The following DENND2C variants were observed in gnomAD, a reference collection of about 807,000 sequenced individuals.
DENND2C encodes the protein DENN domain containing 2C, also known as DENN domain-containing protein 2C.
A neutral mutation model predicts 112.4 loss-of-function variants in DENND2C; 72 were observed. That is an observed-to-expected ratio of 0.64 (90% CI 0.53 to 0.78). The LOEUF (loss-of-function observed/expected upper bound fraction) is 0.78. Among genes scored for constraint, DENND2C ranks in the 30% least tolerant of loss-of-function variants. DENND2C has a pLI of 0.00. For synonymous variants in DENND2C, 329 were observed against 381.6 expected (o/e 0.86, Z 1.61); for missense variants, 992 against 1,113.8 (o/e 0.89, Z 1.56).
chr1:114,664,177 T>C (rs1657582876), intron 1 of DENND2C, among the ~76,000 whole-genome samples: 1 of 152,170 alleles, frequency 6.6e-6, no homozygotes. Context: ...TGGGCTCAAG[T>C]GATCTTCCCA....
intron 2 of DENND2C, among the ~76,000 whole-genome samples, chr1:114,647,545 T>A (rs1004448216): frequency 2.6e-5 from 4 of 152,080 alleles, no homozygotes; most frequent in Admixed American, 2.6e-4. Flanking sequence ...TTTATACCAT[T>A]AGGTAATGTT....
chr1:114,609,211 G>A (rs1245998934), intron 9 of DENND2C, among the ~76,000 whole-genome samples: 4 of 152,138 alleles, frequency 2.6e-5, no homozygotes, highest in African/African-American at 4.8e-5. Flanking sequence ...AAAATGTCAC[G>A]AAAAAGCGCT....
Position 114,625,809 on chromosome 1 carries a change from T to C in DENND2C, c.176A>G (p.Lys59Arg). ...RYNCHQEIRL[K>R]KNPIAERKSK... ...CTTTCTCTCAGCTATAGGATTTTTC[T>C]TAAGACGGATCTCTTGGTGACAGTT... The change falls in exon 4 of 21, where the codon AAG becomes AGG. Residue 59 changes from lysine to arginine, a missense_variant. Physicochemically the swap from Lys to Arg is conservative, Grantham distance 26 (BLOSUM62 2). Transcript: ENST00000393274. The C allele has an allele frequency of 1.2e-6, 2 of 1,614,184 alleles. No individual in the cohort carries two copies. Among genetic ancestry groups the C allele is most frequent in the South Asian group, 2.2e-5 (2 of 91,086 alleles).
In DENND2C at chr1:114,587,945, T is replaced by G; in HGVS notation, c.2439A>C (p.Thr813=). 6.2e-7 allele frequency: 1 copy of G among 1,613,668 alleles called. No homozygotes were observed. Among genetic ancestry groups the G allele is most frequent in the Non-Finnish European group, 8.5e-7 (1 of 1,179,830 alleles). ...TQEQNFSQDV[T]LNSLVSEAFV... is the part of the protein sequence containing the mutation. ...ATGCTTCGGACACCAGAGAGTTGAG[T>G]GTCACATCTGCTGCAACATGAAAAA... is the stretch of plus-strand genomic sequence containing the variant. The change falls in exon 19 of 21, where the codon ACA becomes ACC. Residue 813 remains threonine, a synonymous_variant. Transcript: ENST00000393274.
At chr1:114,594,359 C>A in intron 18 of DENND2C, 114 bp downstream of exon 18, 1 of 833,762 alleles carries the variant, frequency 1.2e-6, no homozygotes, top group South Asian at 1.7e-5. Flanking sequence ...GGATTTTCAG[C>A]GCACAGGCAA....
intron 7 of DENND2C, among the ~76,000 whole-genome samples, chr1:114,620,170 T>C (rs1017601525): frequency 6.6e-6 from 1 of 152,192 alleles, no homozygotes; most frequent in Non-Finnish European, 1.5e-5. Context: ...GAATGTTTTC[T>C]AGAAGATACT....
chr1:114,621,583 T>C (rs1656166886), intron 7 of DENND2C, among the ~76,000 whole-genome samples: 1 of 152,248 alleles, frequency 6.6e-6, no homozygotes, highest in African/African-American at 2.4e-5. Context: ...GAAGCCATCC[T>C]GAGAGAACGC....
At chr1:114,600,389 T>C in intron 14 of DENND2C, 37 bp from the exon 15 acceptor site, 2 of 1,612,354 alleles carry the variant, frequency 1.2e-6, no homozygotes, top group Non-Finnish European at 1.7e-6. Flanking sequence ...GAGCTAATGT[T>C]GGAAAACAAT....
intron 14 of DENND2C, 38 bp downstream of exon 14, chr1:114,600,782 T>G (rs1428797147): frequency 6.3e-7 from 1 of 1,597,436 alleles, no homozygotes; most frequent in Admixed American, 1.8e-5. Flanking sequence ...GTCCTGCTTT[T>G]TAGTGCTATC....
At chr1:114,660,630 G>A (rs570382916) in intron 1 of DENND2C, among the ~76,000 whole-genome samples, 1 of 152,244 alleles carries the variant, frequency 6.6e-6, no homozygotes, top group African/African-American at 2.4e-5. Flanking sequence ...CTGGACAGGG[G>A]GAGGGAACAC....
intron 3 of DENND2C, among the ~76,000 whole-genome samples, chr1:114,637,198 C>A (rs1656680544): frequency 2.0e-5 from 3 of 150,964 alleles, no homozygotes; most frequent in South Asian, 4.2e-4. Flanking sequence ...GAACTCCTGG[C>A]CTCAAGTGAT....
chr1:114,663,898 A>G (rs1657572613), intron 1 of DENND2C, among the ~76,000 whole-genome samples: 1 of 151,876 alleles, frequency 6.6e-6, no homozygotes, highest in African/African-American at 2.4e-5. Context: ...TTTGCTATCT[A>G]GCCCTTTACA....
intron 18 of DENND2C, among the ~76,000 whole-genome samples, chr1:114,591,702 T>G (rs1404544412): frequency 6.6e-6 from 1 of 151,938 alleles, no homozygotes; most frequent in Non-Finnish European, 1.5e-5. Flanking sequence ...ACTGTTTTAT[T>G]GACATAAAAT....
At chr1:114,604,025 T>C (rs1570764413) in intron 11 of DENND2C, among the ~76,000 whole-genome samples, 2 of 152,144 alleles carry the variant, frequency 1.3e-5, no homozygotes, top group Admixed American at 1.3e-4. Flanking sequence ...TAACTTGTTG[T>C]GGGGAAAAGC....
chr1:114,669,317 A>T (rs1345019328), intron 1 of DENND2C, among the ~76,000 whole-genome samples: 1 of 152,216 alleles, frequency 6.6e-6, no homozygotes, highest in African/African-American at 2.4e-5. Flanking sequence ...AGTTACGGAA[A>T]GAGAGGCCCA....
chr1:114,586,579 G>C (rs1054618259), intron 20 of DENND2C, among the ~76,000 whole-genome samples: 2 of 152,000 alleles, frequency 1.3e-5, no homozygotes, highest in African/African-American at 2.4e-5. Context: ...AAAACACTTT[G>C]AAACTAGCAT....
intron 3 of DENND2C, among the ~76,000 whole-genome samples, chr1:114,629,254 A>C (rs1432058892): frequency 5.3e-5 from 8 of 152,200 alleles, no homozygotes; most frequent in Non-Finnish European, 1.5e-5. Context: ...GAACAATAGA[A>C]GTATAAACAT....
At chr1:114,600,468 G>A in intron 14 of DENND2C, 116 bp from the exon 15 acceptor site, 1 of 1,377,140 alleles carries the variant, frequency 7.3e-7, no homozygotes, top group South Asian at 1.4e-5. Flanking sequence ...CTGCTACACG[G>A]GGTCTGTGAA....
chr1:114,599,413 A>C lies in DENND2C; in HGVS notation c.2144T>G (p.Leu715Arg). 4 of 1,614,018 alleles carry C rather than the reference A, an allele frequency of 2.5e-6. No individual in the cohort carries two copies. The highest frequency in any genetic ancestry group is 3.4e-6 in the Non-Finnish European group (4 of 1,179,966). ...GGTATGCTGCCAGGTGAACGGATACAGTGTAGCTACCACAGCATGGCCACA... is the reference window on the plus strand; with the variant it reads ...GGTATGCTGCCAGGTGAACGGATACCGTGTAGCTACCACAGCATGGCCACA... The part of the protein sequence containing the change: ...SKCGHAVVAT[L>R]YPFTWQHTYI... The change falls in exon 16 of 21, where the codon CTG becomes CGG. Residue 715 changes from leucine to arginine, a missense_variant. Around this residue, in one of 3 missense-constraint regions of DENND2C, gnomAD observed 516 missense variants for 623.6 expected, o/e 0.83. Coordinates refer to ENST00000393274, the MANE Select transcript of DENND2C (RefSeq NM_001256404.2).
Sources: allele counts gnomAD v4.1 joint callset (sites outside exome capture counted in the v4.1 genomes callset), GRCh38; gene constraint gnomAD v4.1.1; regional missense constraint gnomAD v4.1.1; transcripts MANE v1.5; gene names NCBI Gene and HGNC (gene_info 2026-07-23, HGNC 2026-07-21).